Variants in UHRF1 observed in about 807,000 individuals in gnomAD.
UHRF1 encodes E3 ubiquitin-protein ligase UHRF1.
UHRF1 carries 9 observed loss-of-function variants against 96.5 expected under a neutral mutation model. That is an observed-to-expected ratio of 0.09 (90% CI 0.06 to 0.16). The LOEUF (loss-of-function observed/expected upper bound fraction) is 0.16. UHRF1 is among the 10% of genes least tolerant of loss of function. The pLI, the probability that UHRF1 is intolerant of heterozygous loss-of-function variation, is 1.00. For synonymous variants in UHRF1, 455 were observed against 469.9 expected, an observed-to-expected ratio of 0.97 and a Z score of 0.41; for missense variants, 626 against 1,131.1, an observed-to-expected ratio of 0.55 and a Z score of 6.40.
Position 4,956,829 on chromosome 19 carries a change from C to A in UHRF1, c.2235+16C>A. On this transcript the variant is annotated intron_variant, in intron 16 of 16. Coordinates refer to ENST00000650932, the MANE Select transcript of UHRF1 (RefSeq NM_001048201.3). ...CGTGTGCAAGGTGAGTAGAGATGGC[C>A]GCGGGAGCCGGGTGGAAGGTTCTGG... The A allele has an allele frequency of 6.3e-7, 1 of 1,575,092 alleles. No individual in the cohort carries two copies. Among genetic ancestry groups the A allele is most frequent in the Non-Finnish European group, 8.7e-7 (1 of 1,155,944 alleles).
intron 2 of UHRF1, among the ~76,000 whole-genome samples, chr19:4,923,253 C>G (rs189812680): frequency 6.6e-6 from 1 of 152,214 alleles, no homozygotes; most frequent in Admixed American, 6.5e-5. Flanking sequence ...CAGAGTCCGA[C>G]CGTCTGGCCC....
At chr19:4,935,322 T>C (rs186130036) in intron 5 of UHRF1, among the ~76,000 whole-genome samples, 7 of 152,312 alleles carry the variant, frequency 4.6e-5, no homozygotes, top group Admixed American at 2.0e-4. Flanking sequence ...CCTGCCGCTG[T>C]GTAAGATGTG....
At chr19:4,947,283 A>G (rs1237766780) in intron 11 of UHRF1, 72 bp downstream of exon 11, 11 of 1,379,622 alleles carry the variant, frequency 8.0e-6, no homozygotes, top group Non-Finnish European at 1.1e-5. Flanking sequence ...TTTGGGCCTC[A>G]TGTCCAGCAA....
chr19:4,944,165 G>A lies in UHRF1; in HGVS notation c.1107G>A (p.Glu369=). 1 of 1,614,038 alleles carries A rather than the reference G, an allele frequency of 6.2e-7. No homozygotes were observed. Among genetic ancestry groups the A allele is most frequent in the Non-Finnish European group, 8.5e-7 (1 of 1,179,900 alleles). The change falls in exon 8 of 17, where the codon GAG becomes GAA. Residue 369 remains glutamate, a synonymous_variant. Coordinates refer to ENST00000650932, the MANE Select transcript of UHRF1 (RefSeq NM_001048201.3). Reference sequence around the variant, plus strand: ...CTGAGTGCCGGAATGATGCCAGCGAGGTGGTACTGGCGGGAGAGCGGCTGA... The same window carrying A: ...CTGAGTGCCGGAATGATGCCAGCGAAGTGGTACTGGCGGGAGAGCGGCTGA... The part of the protein sequence containing the change: ...YCPECRNDAS[E]VVLAGERLRE...
chr19:4,910,829 G>A, intron 1 of UHRF1, 47 bp from the exon 2 acceptor site: 1 of 1,558,286 alleles, frequency 6.4e-7, no homozygotes, highest in Non-Finnish European at 8.7e-7. Flanking sequence ...GCATGGCTCA[G>A]AGGTGCTGGT....
chr19:4,929,122 C>CG, intron 2 of UHRF1, 100 bp from the exon 3 acceptor site: 1 of 1,439,294 alleles, frequency 6.9e-7, no homozygotes, highest in Non-Finnish European at 9.4e-7. Flanking sequence ...GCCCCCCCCC[C>CG]ACAAGGGCTG....
intron 5 of UHRF1, among the ~76,000 whole-genome samples, chr19:4,935,889 T>C (rs2033201540): frequency 6.6e-6 from 1 of 152,138 alleles, no homozygotes; most frequent in African/African-American, 2.4e-5. Context: ...TGCTGCCCGT[T>C]TACCCTGAGA....
chr19:4,907,899 A>T (rs1326828866), upstream of UHRF1, among the ~76,000 whole-genome samples: 1 of 150,230 alleles, frequency 6.7e-6, no homozygotes, highest in African/African-American at 2.4e-5. Context: ...TTTAGTAGAA[A>T]CGGGGTTTCT....
rs112815566 is a variant in UHRF1 at position 4,920,232 on chromosome 19, G to A, written c.154-8990G>A. ...AGATCACCTGAGGTCGGGAGTTAGAGATCAGCCTGGCCAACATGGTGAAAC... is the reference window on the plus strand; with the variant it reads ...AGATCACCTGAGGTCGGGAGTTAGAAATCAGCCTGGCCAACATGGTGAAAC... On this transcript the variant is annotated intron_variant, in intron 2 of 16. Coordinates refer to ENST00000650932, the MANE Select transcript of UHRF1 (RefSeq NM_001048201.3). Among the ~76,000 whole-genome samples the A allele has an allele frequency of 5.1e-3, 780 of 152,258 alleles. 5 individuals carry two copies. The highest frequency in any genetic ancestry group is 0.017 in the African/African-American group (719 of 41,566).
At chr19:4,920,197 T>A (rs905480126) in intron 2 of UHRF1, among the ~76,000 whole-genome samples, 1 of 152,168 alleles carries the variant, frequency 6.6e-6, no homozygotes, top group African/African-American at 2.4e-5. Flanking sequence ...TTCGGGAGGC[T>A]GAGGCAGGCA....
chr19:4,943,956 C>T (rs181600381), intron 7 of UHRF1, among the ~76,000 whole-genome samples, 176 bp from the exon 8 acceptor site: 77 of 152,208 alleles, frequency 5.1e-4, no homozygotes, highest in Non-Finnish European at 1.0e-3. Context: ...TGGCTTAGTT[C>T]GAATGAATTT....
intron 16 of UHRF1, among the ~76,000 whole-genome samples, chr19:4,960,045 G>A (rs188891276): frequency 5.9e-5 from 9 of 152,336 alleles, no homozygotes; most frequent in Non-Finnish European, 8.8e-5. Context: ...TAGAGACAGG[G>A]TTTCACCATG....
chr19:4,957,297 G>GTTTTTT lies in UHRF1; in HGVS notation c.2235+506_2235+511dup, dbSNP rs59654364. On this transcript the variant is annotated intron_variant, in intron 16 of 16. Transcript: ENST00000650932. The stretch of plus-strand genomic sequence containing the variant: ...GAGGGACACAAGATCCCAGCTGATG[G>GTTTTTT]TTTTTTTTTTTTTTTTTTTTTTTTT... Among the ~76,000 whole-genome samples, 53 of 51,102 alleles carry GTTTTTT rather than the reference G, an allele frequency of 1.0e-3. 4 individuals are homozygous for GTTTTTT. The highest frequency in any genetic ancestry group is 4.5e-3 in the East Asian group (6 of 1,338). The allele number at this position is 51,102 out of a possible 152,430, so 33.5% of individuals were successfully genotyped here. A position where few individuals can be genotyped will look rare whatever the true frequency, so the allele number is the denominator to read the frequency against.
intron 5 of UHRF1, 76 bp downstream of exon 5, chr19:4,933,032 G>A: frequency 6.8e-7 from 1 of 1,463,414 alleles, no homozygotes; most frequent in South Asian, 1.3e-5. Flanking sequence ...TGGCTTTGAA[G>A]CCGTCCAGCC....
chr19:4,948,966 A>AC (rs2145197098), intron 11 of UHRF1, among the ~76,000 whole-genome samples: 1 of 126,262 alleles, frequency 7.9e-6, no homozygotes, highest in South Asian at 2.6e-4. Context: ...TACTAAGAAT[A>AC]CAAAAAAAAA....
chr19:4,915,720 CAAAACAA>C (rs1394106674), intron 2 of UHRF1, among the ~76,000 whole-genome samples: 2 of 151,516 alleles, frequency 1.3e-5, no homozygotes, highest in African/African-American at 4.8e-5. Flanking sequence ...AAAAAAAAAG[CAAAACAA>C]AAAACAAAAC....
At chr19:4,953,733 TG>T (rs1270624947) in intron 13 of UHRF1, among the ~76,000 whole-genome samples, 1 of 152,210 alleles carries the variant, frequency 6.6e-6, no homozygotes, top group Admixed American at 6.5e-5. Context: ...CCCAAAGTGT[TG>T]GGCTTATTTA....
intron 1 of UHRF1, 106 bp from the exon 2 acceptor site, chr19:4,910,770 C>A (rs1375869773): frequency 3.6e-6 from 5 of 1,372,886 alleles, no homozygotes; most frequent in Non-Finnish European, 3.9e-6. Flanking sequence ...CTGGGAGTTT[C>A]CTGGTGTCCA....
chr19:4,919,593 C>G lies in UHRF1; in HGVS notation c.153+8555C>G, dbSNP rs148136672. ...CTGGGATTACAGGTGTGAGCCACCG[C>G]GCCTAGCCCATTTTATCTTTTCTGA... On this transcript the variant is annotated intron_variant, in intron 2 of 16. Coordinates refer to ENST00000650932, the MANE Select transcript of UHRF1 (RefSeq NM_001048201.3). Among the ~76,000 whole-genome samples the G allele has an allele frequency of 4.7e-3, 714 of 152,184 alleles. 2 individuals are homozygous for G. The highest frequency in any genetic ancestry group is 0.016 in the African/African-American group (672 of 41,528).
Sources: gnomAD v4.1 joint callset for allele counts (sites outside exome capture counted in the v4.1 genomes callset) on GRCh38, gnomAD v4.1.1 for gene constraint, MANE v1.5 for transcripts, NCBI Gene and HGNC (gene_info 2026-07-23, HGNC 2026-07-21) for gene names.